SPTB: variants seen among roughly 807,000 people sequenced by gnomAD.
The protein encoded by SPTB is spectrin beta, erythrocytic.
A neutral mutation model predicts 256.2 loss-of-function variants in SPTB; 45 were observed. That is an observed-to-expected ratio of 0.18 (90% CI 0.14 to 0.23). The LOEUF is 0.23. Among genes scored for constraint, SPTB ranks in the 10% least tolerant of loss-of-function variants. The pLI is 1.00. For synonymous variants in SPTB, 1,231 were observed against 1,243.1 expected (o/e 0.99, Z 0.21); for missense variants, 2,715 against 3,040.4 (o/e 0.89, Z 2.52).
In SPTB at chr14:64,796,604, C is replaced by T. The variant is rs1285270460; in HGVS notation, c.1294G>A (p.Ala432Thr). The stretch of plus-strand genomic sequence containing the variant: ...TCACTGAGCCAGGTCTCTCTCATTG[C>T]GGCCTTCCGGTCAAAGCGCCGGGCC... Reference protein sequence around the residue: ...QLARRFDRKAAMRETWLSENQ... With the variant: ...QLARRFDRKATMRETWLSENQ... Residue 432 changes from alanine (A) to threonine (T), a missense_variant, in exon 11 of 36, where the codon GCA becomes ACA. This residue lies in a region of SPTB where 416 missense variants were observed against 571.1 expected (regional missense o/e 0.73). Transcript: ENST00000644917. The surrounding 1 kb of genome is among the most constrained non-coding windows in gnomAD (Gnocchi z 4.1). 15 of 1,614,108 alleles carry T rather than the reference C, an allele frequency of 9.3e-6. No individual in the cohort carries two copies. In the Middle Eastern group the frequency reaches 4.9e-4, roughly 53 times the overall value.
chr14:64,750,926 CATT>C (rs2081937613), intron 33 of SPTB, among the ~76,000 whole-genome samples: 1 of 136,174 alleles, frequency 7.3e-6, no homozygotes, highest in Non-Finnish European at 1.5e-5. Flanking sequence ...ATGTATATTA[CATT>C]ATATATCATA....
intron 15 of SPTB, among the ~76,000 whole-genome samples, chr14:64,788,909 C>T (rs1410277707): frequency 6.6e-6 from 1 of 152,240 alleles, no homozygotes; most frequent in African/African-American, 2.4e-5. Context: ...AAGATGATCA[C>T]ACATTCATCA....
chr14:64,751,697 G>C (rs781461634), intron 33 of SPTB, among the ~76,000 whole-genome samples: 1 of 152,052 alleles, frequency 6.6e-6, no homozygotes, highest in Non-Finnish European at 1.5e-5. Context: ...GAACTGTGAA[G>C]GAATGAACAG....
Position 64,794,585 on chromosome 14 carries a change from G to A in SPTB, c.1677C>T (p.His559=). ...AHLLSAEFGK[H]LLEVEDLLQK... The stretch of plus-strand genomic sequence containing the variant: ...GTAGCAGGTCTTCAACCTCCAACAA[G>A]TGCTTCCCAAACTCGGCAGACAAGA... Residue 559 remains histidine (H), a synonymous_variant, in exon 13 of 36, where the codon CAC becomes CAT. Transcript: ENST00000644917. 3 of 1,614,198 alleles carry A rather than the reference G, an allele frequency of 1.9e-6. No homozygotes were observed. Among genetic ancestry groups the A allele is most frequent in the Non-Finnish European group, 2.5e-6 (3 of 1,180,038 alleles).
At chr14:64,767,021 C>T (rs1174785900) in intron 31 of SPTB, among the ~76,000 whole-genome samples, 5 of 152,188 alleles carry the variant, frequency 3.3e-5, no homozygotes, top group African/African-American at 7.2e-5. Flanking sequence ...CCAGGCAGAA[C>T]GGCCTGTGGG....
At chr14:64,822,898 C>A (rs770794063) in intron 2 of SPTB, 49 bp downstream of exon 2, 1 of 1,611,604 alleles carries the variant, frequency 6.2e-7, no homozygotes. Flanking sequence ...GGGCTGTGAA[C>A]CTTGTGACTG....
At position 64,791,873 on chromosome 14, in the gene SPTB, A is replaced by G. The variant is rs1227091182; in HGVS notation, c.2667-17T>C. 6.2e-7 allele frequency: 1 copy of G among 1,614,106 alleles called. No individual in the cohort carries two copies. The highest frequency in any genetic ancestry group is 8.5e-7 in the Non-Finnish European group (1 of 1,180,014). On this transcript the variant is annotated splice_polypyrimidine_tract_variant and intron_variant, in intron 14 of 35. Coordinates refer to ENST00000644917, the MANE Select transcript of SPTB (RefSeq NM_001355436.2). ...ATGTCGAACCTGATATGGGCAAAGG[A>G]AAATATGAGGATGGGTGAGGCGGCA...
At chr14:64,762,134 C>A (rs1262185393) in intron 32 of SPTB, among the ~76,000 whole-genome samples, 1 of 152,184 alleles carries the variant, frequency 6.6e-6, no homozygotes, top group Non-Finnish European at 1.5e-5. Flanking sequence ...TAGGCAGACA[C>A]ACCCCTGCCA....
rs1006241037 is a variant in SPTB, at chr14:64,750,890, A to T, written c.6603-736T>A. 4.2e-4 allele frequency among the ~76,000 whole-genome samples: 61 copies of T among 146,024 alleles called. 1 individual carries two copies. Among genetic ancestry groups the T allele is most frequent in the Non-Finnish European group, 6.0e-5 (4 of 66,716 alleles). On this transcript the variant is annotated intron_variant, in intron 33 of 35. Coordinates refer to ENST00000644917, the MANE Select transcript of SPTB (RefSeq NM_001355436.2). Reference sequence around the variant, plus strand: ...TACCTATTATGTATAATATATATTTATATGAAATATATAAATATATAAAAT... The same window carrying T: ...TACCTATTATGTATAATATATATTTTTATGAAATATATAAATATATAAAAT...
intron 32 of SPTB, among the ~76,000 whole-genome samples, chr14:64,766,061 T>C (rs187942592): frequency 5.8e-4 from 73 of 125,282 alleles, no homozygotes; most frequent in Non-Finnish European, 8.1e-4. Context: ...GTGAGGTGTG[T>C]ATGGGGGGTG....
Position 64,786,656 on chromosome 14 carries a change from A to G in SPTB, c.3309T>C (p.His1103=). ...CGTCAATCTCATCCTTGATACCTGCATGCTGCTGCAGGAGCTGCTCAGCCT... is the reference window on the plus strand; with the variant it reads ...CGTCAATCTCATCCTTGATACCTGCGTGCTGCTGCAGGAGCTGCTCAGCCT... ...LPEAEQLLQQ[H]AGIKDEIDGH... is the part of the protein sequence containing the mutation. The change falls in exon 16 of 36, where the codon CAT becomes CAC. Residue 1103 remains histidine, a synonymous_variant. Coordinates refer to ENST00000644917, the MANE Select transcript of SPTB (RefSeq NM_001355436.2). The surrounding 1 kb of genome is among the most constrained non-coding windows in gnomAD (Gnocchi z 5.6). The G allele has an allele frequency of 6.2e-7, 1 of 1,614,098 alleles. No individual in the cohort carries two copies. The highest frequency in any genetic ancestry group is 8.5e-7 in the Non-Finnish European group (1 of 1,179,984).
intron 1 of SPTB, among the ~76,000 whole-genome samples, chr14:64,848,499 C>T (rs1447360883): frequency 6.6e-6 from 1 of 152,150 alleles, no homozygotes; most frequent in African/African-American, 2.4e-5. Flanking sequence ...ATTTTCAGCT[C>T]ATGGTTGAAA....
chr14:64,764,491 T>C lies in SPTB; in HGVS notation c.6345+2235A>G, dbSNP rs865805214. 5.3e-5 allele frequency among the ~76,000 whole-genome samples: 8 copies of C among 152,176 alleles called. No homozygotes were observed. Among genetic ancestry groups the C allele is most frequent in the African/African-American group, 1.9e-4 (8 of 41,430 alleles). Reference sequence around the variant, plus strand: ...CTTCCCATCTGCTGGAGTGGCTGGCTCTCCGGAAAGGGTCTCAAATGTGGG... The same window carrying C: ...CTTCCCATCTGCTGGAGTGGCTGGCCCTCCGGAAAGGGTCTCAAATGTGGG... On this transcript the variant is annotated intron_variant, in intron 32 of 35. Coordinates refer to ENST00000644917, the MANE Select transcript of SPTB (RefSeq NM_001355436.2). This position sits in a 1 kb window ranked among gnomAD's most constrained non-coding sequence, Gnocchi z 4.2.
intron 2 of SPTB, among the ~76,000 whole-genome samples, chr14:64,813,263 CA>C (rs1255575324): frequency 2.0e-5 from 3 of 152,026 alleles, no homozygotes; most frequent in East Asian, 1.9e-4. Flanking sequence ...GATGAAAAGT[CA>C]AAAAAGTTTC....
chr14:64,783,178 C>T lies in SPTB; in HGVS notation c.4003-625G>A, dbSNP rs573121855. On this transcript the variant is annotated intron_variant, in intron 19 of 35. Transcript: ENST00000644917. Reference sequence around the variant, plus strand: ...TGGGCACAGTGTGATATAAATTGGACTTAGGAATCTATATCACTAATAATA... The same window carrying T: ...TGGGCACAGTGTGATATAAATTGGATTTAGGAATCTATATCACTAATAATA... Among the ~76,000 whole-genome samples, 82 of 152,126 alleles carry T rather than the reference C, an allele frequency of 5.4e-4. 1 individual carries two copies. The highest frequency in any genetic ancestry group is 9.1e-4 in the Non-Finnish European group (62 of 68,008).
In SPTB at chr14:64,825,159, C is replaced by A. The variant is rs1380690924; in HGVS notation, c.-51-2014G>T. On this transcript the variant is annotated intron_variant, in intron 1 of 35. Transcript: ENST00000644917. This position sits in a 1 kb window ranked among gnomAD's most constrained non-coding sequence, Gnocchi z 4.8. Reference sequence around the variant, plus strand: ...TGGAGCACAGTTTGTTCCCCTCAATCAGAAGGGTTTCAGGAGGGCAGGTGG... The same window carrying A: ...TGGAGCACAGTTTGTTCCCCTCAATAAGAAGGGTTTCAGGAGGGCAGGTGG... 1.3e-5 allele frequency among the ~76,000 whole-genome samples: 2 copies of A among 151,976 alleles called. No individual in the cohort carries two copies. The highest frequency in any genetic ancestry group is 2.9e-5 in the Non-Finnish European group (2 of 67,990).
At chr14:64,831,306 T>C (rs2083447947) in intron 1 of SPTB, among the ~76,000 whole-genome samples, 2 of 152,256 alleles carry the variant, frequency 1.3e-5, no homozygotes, top group South Asian at 4.1e-4. Flanking sequence ...CACTTTAACA[T>C]GCACAAGTCT....
At position 64,803,813 on chromosome 14, in the gene SPTB, A is replaced by C. The variant is rs377552531; in HGVS notation, c.301-33T>G. On this transcript the variant is annotated intron_variant, in intron 3 of 35. Coordinates refer to ENST00000644917, the MANE Select transcript of SPTB (RefSeq NM_001355436.2). Reference sequence around the variant, plus strand: ...ACAGCAGTGGCCCCCGTGGGCATGGAGGGACTGCACAGTCATCCCAGAGGC... The same window carrying C: ...ACAGCAGTGGCCCCCGTGGGCATGGCGGGACTGCACAGTCATCCCAGAGGC... The C allele has an allele frequency of 3.8e-6, 6 of 1,578,458 alleles. No homozygotes were observed. The African/African-American group carries it at 6.8e-5, about 18-fold the overall frequency.
In SPTB at chr14:64,867,378, C is replaced by T. The variant is rs184207410; in HGVS notation, c.-52+12414G>A. Reference sequence around the variant, plus strand: ...CCAAGGACATCAGACACTGTCTCTTCCTCAAGGAACTCATAATCTAGAGGT... The same window carrying T: ...CCAAGGACATCAGACACTGTCTCTTTCTCAAGGAACTCATAATCTAGAGGT... On this transcript the variant is annotated intron_variant, in intron 1 of 35. Transcript: ENST00000644917. Among the ~76,000 whole-genome samples, 28 of 152,320 alleles carry T rather than the reference C, an allele frequency of 1.8e-4. No homozygotes were observed. The East Asian group carries it at 4.6e-3, about 25-fold the overall frequency.
Sources: allele counts gnomAD v4.1 joint callset (sites outside exome capture counted in the v4.1 genomes callset), GRCh38; gene constraint gnomAD v4.1.1; regional missense constraint gnomAD v4.1.1; non-coding constraint Gnocchi (gnomAD v3.1); transcripts MANE v1.5; gene names NCBI Gene and HGNC (gene_info 2026-07-23, HGNC 2026-07-21).